The following SORCS2 variants were observed in gnomAD, a reference collection of about 807,000 sequenced individuals.
SORCS2 encodes the protein sortilin related VPS10 domain containing receptor 2, also known as VPS10 domain-containing receptor SorCS2.
In SORCS2, 100 loss-of-function variants were observed where a neutral mutation model predicts 141.6. The ratio of observed to expected loss-of-function variants is 0.71; its 90% CI spans 0.60 to 0.83. The LOEUF is 0.83. Ranked by LOEUF, SORCS2 falls within the 40% of genes least tolerant of loss-of-function variation. SORCS2 has a pLI of 0.00. For synonymous variants in SORCS2, 789 were observed against 676.9 expected, an observed-to-expected ratio of 1.17 and a Z score of -2.57; for missense variants, 1,646 against 1,560.2, an observed-to-expected ratio of 1.05 and a Z score of -0.93.
At chr4:7,500,556 T>C (rs1731901007) in intron 2 of SORCS2, among the ~76,000 whole-genome samples, 1 of 120,820 alleles carries the variant, frequency 8.3e-6, no homozygotes, top group Non-Finnish European at 1.6e-5. Flanking sequence ...AGGATGTCAG[T>C]GTGCCGGCTG....
At chr4:7,703,421 TCTTTC>T in intron 13 of SORCS2, 50 bp downstream of exon 13, 1 of 1,493,970 alleles carries the variant, frequency 6.7e-7, no homozygotes, top group African/African-American at 1.4e-5. Context: ...TGGGGCTCTT[TCTTTC>T]CACCTGGGAA....
At chr4:7,308,283 A>C (rs972223803) in intron 1 of SORCS2, among the ~76,000 whole-genome samples, 6 of 151,598 alleles carry the variant, frequency 4.0e-5, no homozygotes, top group Admixed American at 6.6e-5. Context: ...GAGCACCCCC[A>C]CCACCGCCTC....
chr4:7,718,119 T>C lies in SORCS2; in HGVS notation c.2360T>C (p.Ile787Thr). 6.2e-7 allele frequency: 1 copy of C among 1,612,258 alleles called. No homozygotes were observed. The highest frequency in any genetic ancestry group is 8.5e-7 in the Non-Finnish European group (1 of 1,179,342). Residue 787 changes from isoleucine to threonine, a missense_variant, in exon 18 of 27, where the codon ATT becomes ACT. Transcript: ENST00000507866. ...CCGCCCCGGGGCCTGCAGGTCAGCA[T>C]TCAAGGCGAGGCGGTGGCCGTGCGG... ...LTPPRGLQVSIQGEAVAVRPG... is the reference protein window; with the variant it reads ...LTPPRGLQVSTQGEAVAVRPG...
intron 1 of SORCS2, among the ~76,000 whole-genome samples, chr4:7,264,879 C>T (rs1008324696): frequency 3.3e-5 from 5 of 152,244 alleles, no homozygotes; most frequent in African/African-American, 9.6e-5. Context: ...CAGTCCTGCC[C>T]TCACCCTGCC....
At chr4:7,514,106 A>G (rs1056514086) in intron 2 of SORCS2, among the ~76,000 whole-genome samples, 32 of 152,154 alleles carry the variant, frequency 2.1e-4, no homozygotes, top group African/African-American at 7.7e-4. Context: ...ACAGACCCAC[A>G]AGCTGCAAGG....
intron 23 of SORCS2, among the ~76,000 whole-genome samples, chr4:7,733,102 C>T (rs1226088911): frequency 6.7e-6 from 1 of 149,854 alleles, no homozygotes; most frequent in Non-Finnish European, 1.5e-5. Context: ...GACACCCCCT[C>T]ACTCTCTCCA....
chr4:7,270,452 G>C (rs1715046845), intron 1 of SORCS2, among the ~76,000 whole-genome samples: 1 of 152,216 alleles, frequency 6.6e-6, no homozygotes, highest in Admixed American at 6.5e-5. Flanking sequence ...TTATGATTTG[G>C]ATCTGGCCTG....
At chr4:7,433,405 C>T (rs764586181) in intron 2 of SORCS2, 7 of 1,507,154 alleles carry the variant, frequency 4.6e-6, no homozygotes, top group Non-Finnish European at 6.2e-6. Flanking sequence ...GGCCTCCTGG[C>T]TCCTGCACCA....
At chr4:7,484,713 G>T (rs142151043) in intron 2 of SORCS2, among the ~76,000 whole-genome samples, 1 of 152,128 alleles carries the variant, frequency 6.6e-6, no homozygotes, top group African/African-American at 2.4e-5. Context: ...TGAGCTGGGC[G>T]GGCATTTACA....
At chr4:7,380,900 G>T (rs758277864) in intron 1 of SORCS2, among the ~76,000 whole-genome samples, 37 of 152,154 alleles carry the variant, frequency 2.4e-4, no homozygotes, top group Non-Finnish European at 1.3e-4. Context: ...TGGCCAACAC[G>T]GTGAAACCCC....
intron 2 of SORCS2, among the ~76,000 whole-genome samples, chr4:7,405,894 G>A (rs1724939071): frequency 6.6e-6 from 1 of 152,132 alleles, no homozygotes; most frequent in Non-Finnish European, 1.5e-5. Context: ...AGTGGTGAAA[G>A]TGAGCATCTT....
chr4:7,355,580 C>T (rs1721199237), intron 1 of SORCS2, among the ~76,000 whole-genome samples: 1 of 152,176 alleles, frequency 6.6e-6, no homozygotes, highest in African/African-American at 2.4e-5. Context: ...GAGTCCTTCA[C>T]TTCTCCTGTG....
chr4:7,665,228 A>C (rs915811975), intron 7 of SORCS2, among the ~76,000 whole-genome samples: 6 of 152,034 alleles, frequency 3.9e-5, no homozygotes, highest in African/African-American at 1.4e-4. Flanking sequence ...TCTCAGCCAC[A>C]CTTGGTCACC....
At chr4:7,627,166 G>A (rs1334668076) in intron 3 of SORCS2, among the ~76,000 whole-genome samples, 1 of 151,950 alleles carries the variant, frequency 6.6e-6, no homozygotes, top group Admixed American at 6.6e-5. Flanking sequence ...TTCTATACTT[G>A]GAGAGACAGG....
intron 1 of SORCS2, among the ~76,000 whole-genome samples, chr4:7,226,046 C>T (rs761344302): frequency 5.9e-5 from 9 of 152,156 alleles, no homozygotes; most frequent in East Asian, 1.9e-4. Flanking sequence ...ACTCCGCCAC[C>T]GTGAGAAAAC....
At chr4:7,316,120 A>G (rs780414672) in intron 1 of SORCS2, among the ~76,000 whole-genome samples, 3 of 145,274 alleles carry the variant, frequency 2.1e-5, no homozygotes, top group Non-Finnish European at 4.5e-5. Context: ...CCTTCTATCT[A>G]CCATCCATTT....
chr4:7,291,891 A>G (rs761652908), intron 1 of SORCS2, among the ~76,000 whole-genome samples: 92 of 152,216 alleles, frequency 6.0e-4, no homozygotes, highest in Non-Finnish European at 2.6e-4. Flanking sequence ...CAAGTGGGAC[A>G]AGCCCCTCAA....
intron 14 of SORCS2, among the ~76,000 whole-genome samples, chr4:7,706,372 G>A (rs371863023): frequency 7.2e-5 from 7 of 97,244 alleles, no homozygotes; most frequent in Admixed American, 1.9e-4. Context: ...GATGAGGCTG[G>A]GCTCTGTCTG....
chr4:7,606,453 C>G (rs184676513), intron 3 of SORCS2, among the ~76,000 whole-genome samples: 1 of 152,232 alleles, frequency 6.6e-6, no homozygotes, highest in African/African-American at 2.4e-5. Flanking sequence ...ACTCCTTGTC[C>G]TTCGTTTCTG....
Sources: allele counts gnomAD v4.1 joint callset (sites outside exome capture counted in the v4.1 genomes callset), GRCh38; gene constraint gnomAD v4.1.1; transcripts MANE v1.5; gene names NCBI Gene and HGNC (gene_info 2026-07-23, HGNC 2026-07-21).